PCED1B: variants seen among roughly 807,000 people sequenced by gnomAD.
PCED1B encodes PC-esterase domain-containing protein 1B.
For missense variants in PCED1B, 573 were observed against 573.9 expected, an observed-to-expected ratio of 1.00 and a Z score of 0.02; for synonymous variants, 251 against 246.1, an observed-to-expected ratio of 1.02 and a Z score of -0.19.
intron 3 of PCED1B, among the ~76,000 whole-genome samples, chr12:47,232,551 C>CA (rs1264555895): frequency 6.6e-6 from 1 of 152,144 alleles, no homozygotes; most frequent in African/African-American, 2.4e-5. Flanking sequence ...TAAAATCTTA[C>CA]AAATTTCAAG....
intron 2 of PCED1B, among the ~76,000 whole-genome samples, chr12:47,177,660 T>C (rs1389392451): frequency 1.3e-5 from 2 of 151,880 alleles, no homozygotes; most frequent in Non-Finnish European, 2.9e-5. Flanking sequence ...CAAAAGAATG[T>C]TTGAGGTTCT....
intron 2 of PCED1B, among the ~76,000 whole-genome samples, chr12:47,154,830 C>G (rs1315603376): frequency 1.3e-5 from 2 of 151,452 alleles, no homozygotes; most frequent in Non-Finnish European, 2.9e-5. Flanking sequence ...TACTGCCTCC[C>G]CCAACAATAA....
chr12:47,183,222 A>T (rs991821299), intron 2 of PCED1B, among the ~76,000 whole-genome samples: 1 of 152,242 alleles, frequency 6.6e-6, no homozygotes, highest in Non-Finnish European at 1.5e-5. Flanking sequence ...ATAGGTAAAC[A>T]TTTATATCAT....
chr12:47,134,748 G>A (rs1592183814), intron 2 of PCED1B, among the ~76,000 whole-genome samples: 2 of 152,084 alleles, frequency 1.3e-5, no homozygotes, highest in African/African-American at 2.4e-5. Flanking sequence ...GGCGCCTGTA[G>A]TCCCAGCTAC....
At chr12:47,207,343 T>TG (rs1437451184) in intron 2 of PCED1B, among the ~76,000 whole-genome samples, 1 of 152,050 alleles carries the variant, frequency 6.6e-6, no homozygotes, top group East Asian at 1.9e-4. Context: ...TGGGCTCATC[T>TG]GGTAGCACAG....
chr12:47,153,602 G>A (rs1565570959), intron 2 of PCED1B, among the ~76,000 whole-genome samples: 1 of 151,990 alleles, frequency 6.6e-6, no homozygotes, highest in African/African-American at 2.4e-5. Context: ...ACAGAAAGAG[G>A]AAAAAAATTA....
At chr12:47,213,366 GA>G (rs5798015) in intron 2 of PCED1B, among the ~76,000 whole-genome samples, 97,544 of 151,912 alleles carry the variant, frequency 0.64, 32,907 homozygotes, top group African/African-American at 0.86. Context: ...GACAACCAAA[GA>G]AAAAAACATA....
In PCED1B at chr12:47,236,127, G is replaced by A; in HGVS notation, c.1064G>A (p.Cys355Tyr). 6.2e-7 allele frequency: 1 copy of A among 1,614,090 alleles called. No homozygotes were observed. The highest frequency in any genetic ancestry group is 8.5e-7 in the Non-Finnish European group (1 of 1,180,020). ...DHTFQSDQFY[C>Y]HSDVPSSAHA... is the part of the protein sequence containing the mutation. ...ACTTTCCAGTCGGATCAATTCTATT[G>A]CCATTCAGATGTCCCCTCATCAGCC... The change falls in exon 4 of 4, where the codon TGC becomes TAC. Residue 355 changes from cysteine (C) to tyrosine (Y), a missense_variant. Coordinates refer to ENST00000546455, the MANE Select transcript of PCED1B (RefSeq NM_138371.3).
chr12:47,188,578 G>T (rs1443716311), intron 2 of PCED1B, among the ~76,000 whole-genome samples: 1 of 152,236 alleles, frequency 6.6e-6, no homozygotes, highest in Non-Finnish European at 1.5e-5. Context: ...GCTTCTCAGA[G>T]TTAAGGACTT....
At chr12:47,129,535 G>A (rs1042482552) in intron 2 of PCED1B, among the ~76,000 whole-genome samples, 20 of 151,594 alleles carry the variant, frequency 1.3e-4, no homozygotes, top group Non-Finnish European at 2.4e-4. Flanking sequence ...CCCACAGAGA[G>A]TAATAGGTCA....
Position 47,129,476 on chromosome 12 carries a change from G to A in PCED1B, c.-526+25281G>A, listed in dbSNP as rs144008173. ...TGTACTCCAGCCTGGGTGGCAGAGC[G>A]AGACCCTGTCTCAAAATAAAATAAA... On this transcript the variant is annotated intron_variant, in intron 2 of 3. Coordinates refer to ENST00000546455, the MANE Select transcript of PCED1B (RefSeq NM_138371.3). 4.0e-3 allele frequency among the ~76,000 whole-genome samples: 601 copies of A among 151,990 alleles called. 13 individuals carry two copies. Among genetic ancestry groups the A allele is most frequent in the Admixed American group, 0.036 (557 of 15,276 alleles).
intron 2 of PCED1B, among the ~76,000 whole-genome samples, chr12:47,187,355 CAG>C (rs1188347311): frequency 6.6e-6 from 1 of 152,044 alleles, no homozygotes; most frequent in Admixed American, 6.6e-5. Context: ...TTGGAAATCT[CAG>C]GGAGGAGAAA....
chr12:47,192,179 T>G (rs1054166705), intron 2 of PCED1B, among the ~76,000 whole-genome samples: 1 of 151,780 alleles, frequency 6.6e-6, no homozygotes, highest in African/African-American at 2.4e-5. Context: ...TTTTGTTTTT[T>G]TTTTTTTGCC....
At chr12:47,096,834 G>A (rs1402495187) in intron 1 of PCED1B, among the ~76,000 whole-genome samples, 3 of 152,304 alleles carry the variant, frequency 2.0e-5, no homozygotes, top group Admixed American at 6.5e-5. Context: ...GTGCCACTAT[G>A]TAAGTTAACT....
At chr12:47,222,887 T>C (rs914246409) in intron 3 of PCED1B, among the ~76,000 whole-genome samples, 1 of 152,182 alleles carries the variant, frequency 6.6e-6, no homozygotes, top group Non-Finnish European at 1.5e-5. Context: ...TGGTCCGTTG[T>C]AACCATCCAA....
At chr12:47,197,317 A>G (rs889092010) in intron 2 of PCED1B, among the ~76,000 whole-genome samples, 1 of 151,750 alleles carries the variant, frequency 6.6e-6, no homozygotes, top group African/African-American at 2.4e-5. Flanking sequence ...ATATTAAAAT[A>G]CAATGATAGC....
At chr12:47,083,183 A>C (rs1213355150) in intron 1 of PCED1B, among the ~76,000 whole-genome samples, 1 of 151,982 alleles carries the variant, frequency 6.6e-6, no homozygotes, top group Non-Finnish European at 1.5e-5. Context: ...TTAATAGCAC[A>C]TGTTTGATGA....
At chr12:47,169,210 G>A (rs1470392986) in intron 2 of PCED1B, among the ~76,000 whole-genome samples, 1 of 152,202 alleles carries the variant, frequency 6.6e-6, no homozygotes, top group Non-Finnish European at 1.5e-5. Context: ...GGAAAAATAT[G>A]ATAGGGCAGA....
chr12:47,136,489 C>T (rs1033277307), intron 2 of PCED1B, among the ~76,000 whole-genome samples: 2 of 152,108 alleles, frequency 1.3e-5, no homozygotes, highest in Non-Finnish European at 2.9e-5. Flanking sequence ...ATGATGTACC[C>T]AAGGGAAATT....
Sources: gnomAD v4.1 joint callset for allele counts (sites outside exome capture counted in the v4.1 genomes callset) on GRCh38, gnomAD v4.1.1 for gene constraint, MANE v1.5 for transcripts, NCBI Gene and HGNC (gene_info 2026-07-23, HGNC 2026-07-21) for gene names.